RORA: variants seen among roughly 807,000 people sequenced by gnomAD.
The protein encoded by RORA is nuclear receptor ROR-alpha.
In RORA, 7 loss-of-function variants were observed where a neutral mutation model predicts 69.5. That is an observed-to-expected ratio of 0.10 (90% confidence interval 0.06 to 0.19). The LOEUF (loss-of-function observed/expected upper bound fraction) is 0.19, where lower values mean the gene tolerates loss of function less well. Among genes scored for constraint, RORA ranks in the 10% least tolerant of loss-of-function variants. The pLI, the probability that RORA is intolerant of heterozygous loss-of-function variation, is 1.00. For missense variants in RORA, 457 were observed against 663.0 expected, an observed-to-expected ratio of 0.69 and a Z score of 3.41; for synonymous variants, 261 against 240.8, an observed-to-expected ratio of 1.08 and a Z score of -0.78.
intron 1 of RORA, among the ~76,000 whole-genome samples, chr15:61,107,342 A>C (rs541101535): frequency 2.8e-4 from 42 of 152,180 alleles, no homozygotes; most frequent in African/African-American, 9.6e-4. Flanking sequence ...AGGATGTACG[A>C]AACTGCAGTA....
chr15:61,038,197 G>A (rs1784205984), intron 1 of RORA, among the ~76,000 whole-genome samples: 1 of 152,276 alleles, frequency 6.6e-6, no homozygotes, highest in East Asian at 1.9e-4. Flanking sequence ...GTTATCGAAC[G>A]TATTATGAAC....
At chr15:61,218,386 T>G (rs2080061917) in intron 1 of RORA, among the ~76,000 whole-genome samples, 1 of 152,170 alleles carries the variant, frequency 6.6e-6, no homozygotes, top group African/African-American at 2.4e-5. Flanking sequence ...TTTGGCCCGG[T>G]AAACTTGACC....
chr15:60,837,718 C>G (rs934969180), intron 1 of RORA, among the ~76,000 whole-genome samples: 1 of 152,178 alleles, frequency 6.6e-6, no homozygotes, highest in Non-Finnish European at 1.5e-5. Flanking sequence ...GGGACACAGT[C>G]CTTACTGTCT....
At chr15:60,890,493 A>G (rs914459960) in intron 1 of RORA, among the ~76,000 whole-genome samples, 3 of 152,196 alleles carry the variant, frequency 2.0e-5, no homozygotes, top group Non-Finnish European at 4.4e-5. Context: ...TGAGCACATA[A>G]GCCATGGAGG....
intron 2 of RORA, chr15:60,544,790 T>C (rs1201371510): frequency 5.9e-5 from 9 of 152,208 alleles, no homozygotes; most frequent in Non-Finnish European, 7.3e-5. Context: ...TTTCCTATTG[T>C]AATTCACTTT....
intron 1 of RORA, among the ~76,000 whole-genome samples, chr15:61,091,937 CTT>C (rs2078714048): frequency 6.6e-6 from 1 of 152,184 alleles, no homozygotes; most frequent in Non-Finnish European, 1.5e-5. Flanking sequence ...TCTTTAAACA[CTT>C]TGAAACACTT....
intron 1 of RORA, among the ~76,000 whole-genome samples, chr15:60,805,909 A>C (rs543868409): frequency 1.5e-4 from 23 of 152,352 alleles, no homozygotes; most frequent in African/African-American, 5.1e-4. Flanking sequence ...CCAAATTGGC[A>C]ACACAAGTCA....
intron 1 of RORA, among the ~76,000 whole-genome samples, chr15:60,898,761 T>C (rs1891302498): frequency 6.6e-6 from 1 of 152,088 alleles, no homozygotes; most frequent in Non-Finnish European, 1.5e-5. Context: ...GGCAATGCAT[T>C]CTGGCTTTTT....
chr15:60,791,521 G>T (rs2072417414), intron 1 of RORA, among the ~76,000 whole-genome samples: 1 of 152,258 alleles, frequency 6.6e-6, no homozygotes, highest in African/African-American at 2.4e-5. Flanking sequence ...TCCCAAGTTA[G>T]CTTTCAGCTC....
chr15:61,106,402 T>G (rs1331412193), intron 1 of RORA, among the ~76,000 whole-genome samples: 3 of 152,216 alleles, frequency 2.0e-5, no homozygotes, highest in African/African-American at 7.2e-5. Flanking sequence ...ACTCATTCAT[T>G]TAATAACCAT....
chr15:60,576,682 T>G (rs2068035855), intron 2 of RORA, among the ~76,000 whole-genome samples: 2 of 152,210 alleles, frequency 1.3e-5, no homozygotes, highest in Admixed American at 1.3e-4. Context: ...CTGACAGCTA[T>G]CTGGGCAGAA....
chr15:60,607,371 T>G (rs1002400611), intron 2 of RORA, among the ~76,000 whole-genome samples: 9 of 152,202 alleles, frequency 5.9e-5, no homozygotes, highest in African/African-American at 1.9e-4. Flanking sequence ...ATAAAGTGAT[T>G]TAGTTTAGGC....
At chr15:61,186,583 G>C (rs2079743883) in intron 1 of RORA, among the ~76,000 whole-genome samples, 1 of 130,632 alleles carries the variant, frequency 7.7e-6, no homozygotes, top group African/African-American at 2.8e-5. Flanking sequence ...GGAGGTTACA[G>C]TGAGCCAAGA....
chr15:60,611,148 T>C (rs916238501), intron 2 of RORA, among the ~76,000 whole-genome samples: 29 of 152,188 alleles, frequency 1.9e-4, no homozygotes, highest in African/African-American at 7.0e-4. Context: ...CGCTCAATTA[T>C]CTTCACTCTG....
chr15:60,536,582 GT>G (rs2066686313), intron 2 of RORA, among the ~76,000 whole-genome samples: 2 of 152,168 alleles, frequency 1.3e-5, no homozygotes, highest in Non-Finnish European at 2.9e-5. Context: ...CAAAATTAAA[GT>G]TTTTTATTGG....
chr15:60,601,574 AT>A (rs1319225179), intron 2 of RORA, among the ~76,000 whole-genome samples: 3 of 152,234 alleles, frequency 2.0e-5, no homozygotes, highest in Admixed American at 6.5e-5. Flanking sequence ...AGGTAAAAAA[AT>A]AATGATTTCA....
chr15:60,623,078 T>C (rs1193629787), intron 2 of RORA, among the ~76,000 whole-genome samples: 2 of 152,232 alleles, frequency 1.3e-5, no homozygotes, highest in Non-Finnish European at 2.9e-5. Context: ...CCCTGAGGAA[T>C]GCCGTGTCTT....
At chr15:60,900,284 G>A (rs1254590683) in intron 1 of RORA, among the ~76,000 whole-genome samples, 5 of 144,518 alleles carry the variant, frequency 3.5e-5, no homozygotes, top group East Asian at 3.8e-4. Flanking sequence ...TACAGATTTC[G>A]GTACGCACAC....
rs2080175903 is a variant in RORA, at chr15:61,229,050, T to C, written c.166+3A>G. On this transcript the variant is annotated splice_donor_region_variant and intron_variant, in intron 1 of 10. Coordinates refer to ENST00000335670, the MANE Select transcript of RORA (RefSeq NM_134261.3). ...CCTCCCCAGCCCCTCTCCAGCCTCC[T>C]ACCTCTGCTGGTGCTGGAATAGCTC... The C allele has an allele frequency of 6.6e-7, 1 of 1,513,388 alleles. No homozygotes were observed. Among genetic ancestry groups the C allele is most frequent in the Non-Finnish European group, 8.9e-7 (1 of 1,129,784 alleles). The allele number at this position is 1,513,388 out of a possible 1,614,324, so 93.7% of individuals were successfully genotyped here.
Sources: allele counts gnomAD v4.1 joint callset (sites outside exome capture counted in the v4.1 genomes callset), GRCh38; gene constraint gnomAD v4.1.1; transcripts MANE v1.5; gene names NCBI Gene and HGNC (gene_info 2026-07-23, HGNC 2026-07-21).